Variants in VGF observed in about 807,000 individuals in gnomAD.
VGF encodes neurosecretory protein VGF.
A neutral mutation model predicts 41.1 loss-of-function variants in VGF; 13 were observed. The observed-to-expected ratio is 0.32, with a 90% CI of 0.21 to 0.50. The LOEUF (loss-of-function observed/expected upper bound fraction) is 0.50, where lower values mean the gene tolerates loss of function less well. Ranked by LOEUF, VGF falls within the 20% of genes least tolerant of loss-of-function variation. The pLI is 0.98. For missense variants in VGF, 920 were observed against 882.1 expected (o/e 1.04, Z -0.54); for synonymous variants, 473 against 418.3 (o/e 1.13, Z -1.60).
upstream of VGF, among the ~76,000 whole-genome samples, chr7:101,166,739 C>T (rs1797225307): frequency 1.8e-5 from 2 of 112,030 alleles, no homozygotes; most frequent in African/African-American, 6.9e-5. Context: ...CATCAGAGAG[C>T]TGGGTCCGGT....
chr7:101,168,009 GTTTTTTTTTGT>G (rs1797246452), upstream of VGF, among the ~76,000 whole-genome samples: 1 of 100,006 alleles, frequency 1.0e-5, no homozygotes, highest in South Asian at 4.3e-4. Flanking sequence ...GTGCTGGGTT[GTTTTTTTTTGT>G]TTTTTTTTTT....
Position 101,163,785 on chromosome 7 carries a change from C to T in VGF, c.1059G>A (p.Glu353=), listed in dbSNP as rs1363254947. ...TTGCACTCTCTCGCTCCTCCGCCGCCTCCTGCAGCCCCCGACCCCCGAGGC... is the reference window on the plus strand; with the variant it reads ...TTGCACTCTCTCGCTCCTCCGCCGCTTCCTGCAGCCCCCGACCCCCGAGGC... ...QRGLGGRGLQ[E]AAEERESARE... The change falls in exon 2 of 2, where the codon GAG becomes GAA. Residue 353 remains glutamate, a synonymous_variant. Coordinates refer to ENST00000249330, the MANE Select transcript of VGF (RefSeq NM_003378.4). The surrounding 1 kb of genome is among the most constrained non-coding windows in gnomAD (Gnocchi z 5.0). 6.5e-7 allele frequency: 1 copy of T among 1,532,212 alleles called. No homozygotes were observed. The allele number at this position is 1,532,212 out of a possible 1,614,324, so 94.9% of individuals were successfully genotyped here.
upstream of VGF, among the ~76,000 whole-genome samples, chr7:101,169,810 CGTT>C (rs1337557225): frequency 2.0e-5 from 3 of 152,222 alleles, no homozygotes; most frequent in Non-Finnish European, 4.4e-5. Context: ...ACACCAGGCA[CGTT>C]GTCCCGAATC....
At position 101,163,982 on chromosome 7, in the gene VGF, C is replaced by T. The variant is rs767837020; in HGVS notation, c.862G>A (p.Gly288Ser). The T allele has an allele frequency of 1.4e-6, 2 of 1,477,452 alleles. No homozygotes were observed. The highest frequency in any genetic ancestry group is 1.4e-5 in the South Asian group (1 of 72,302). The allele number at this position is 1,477,452 out of a possible 1,614,324, so 91.5% of individuals were successfully genotyped here. ...AGGCGCTCGCCCGCCTCGGAGCCGC[C>T]CAGGAGTGCGCTCTCCGGCCGGCGC... is the stretch of plus-strand genomic sequence containing the variant. ...KARRPESALLGGSEAGERLLQ... is the reference protein window; with the variant it reads ...KARRPESALLSGSEAGERLLQ... The change falls in exon 2 of 2, where the codon GGC (glycine) becomes AGC (serine). Residue 288 changes from glycine to serine, a missense_variant. By Grantham distance (56) the Gly-to-Ser change is moderately conservative (BLOSUM62 0). Coordinates refer to ENST00000249330, the MANE Select transcript of VGF (RefSeq NM_003378.4). The surrounding 1 kb of genome is among the most constrained non-coding windows in gnomAD (Gnocchi z 5.0).
In VGF at chr7:101,163,616, C is replaced by A. The variant is rs1261960322; in HGVS notation, c.1228G>T (p.Asp410Tyr). 6.5e-7 allele frequency: 1 copy of A among 1,550,338 alleles called. No homozygotes were observed. Among genetic ancestry groups the A allele is most frequent in the Non-Finnish European group, 8.7e-7 (1 of 1,150,150 alleles). ...TTGTCCTCGGCGCCGGCTTCCCCGT[C>A]CTCCTCCTCCGCGAACAGGAGCGCG... Reference protein sequence around the residue: ...QNALLFAEEEDGEAGAEDKRS... With the variant: ...QNALLFAEEEYGEAGAEDKRS... Residue 410 changes from aspartate (D) to tyrosine (Y), a missense_variant, in exon 2 of 2, where the codon GAC (aspartate) becomes TAC (tyrosine). Physicochemically the swap from Asp to Tyr is radical, Grantham distance 160. This residue lies in a region of VGF where 654 missense variants were observed against 638.4 expected (regional missense o/e 1.02). Transcript: ENST00000249330. The surrounding 1 kb of genome is among the most constrained non-coding windows in gnomAD (Gnocchi z 5.0).
At chr7:101,165,698 C>G, upstream of VGF, 4 of 978,670 alleles carry the variant, frequency 4.1e-6, no homozygotes, top group Non-Finnish European at 4.9e-6. Flanking sequence ...GAAGGACGCC[C>G]GACGATTGGA....
upstream of VGF, among the ~76,000 whole-genome samples, chr7:101,165,793 T>G (rs1368253262): frequency 6.6e-6 from 1 of 151,868 alleles, no homozygotes; most frequent in Non-Finnish European, 1.5e-5. Context: ...GGGAAATGAA[T>G]GAATGAATGA....
chr7:101,168,581 G>A (rs1008742146), upstream of VGF, among the ~76,000 whole-genome samples: 3 of 152,182 alleles, frequency 2.0e-5, no homozygotes, highest in Non-Finnish European at 4.4e-5. Flanking sequence ...AGCCCATATG[G>A]GGACCTAGTT....
chr7:101,166,442 C>T (rs1797219837), upstream of VGF, among the ~76,000 whole-genome samples: 1 of 151,996 alleles, frequency 6.6e-6, no homozygotes, highest in Admixed American at 6.6e-5. Context: ...AGTCGCTTTC[C>T]CTCCTGCCGC....
upstream of VGF, chr7:101,165,664 G>C (rs765376096): frequency 4.1e-6 from 4 of 985,394 alleles, no homozygotes; most frequent in Non-Finnish European, 4.8e-6. Flanking sequence ...CATTCATGGG[G>C]AAGCGGGCGG....
At chr7:101,167,778 G>T (rs1355122578), upstream of VGF, among the ~76,000 whole-genome samples, 10 of 152,090 alleles carry the variant, frequency 6.6e-5, no homozygotes, top group African/African-American at 2.4e-4. This position sits in a 1 kb window ranked among gnomAD's most constrained non-coding sequence, Gnocchi z 4.2. Flanking sequence ...CATGGCTTGT[G>T]CATGTGTGTT....
At position 101,164,202 on chromosome 7, in the gene VGF, C is replaced by T; in HGVS notation, c.642G>A (p.Gln214=). Residue 214 remains glutamine (Q), a synonymous_variant, in exon 2 of 2, where the codon CAG becomes CAA. Coordinates refer to ENST00000249330, the MANE Select transcript of VGF (RefSeq NM_003378.4). ...GGGGCGCGCGCTCCGGGACACGCGCCTGGAACTCTCCCCAGGAAGCGCGCC... is the reference window on the plus strand; with the variant it reads ...GGGGCGCGCGCTCCGGGACACGCGCTTGGAACTCTCCCCAGGAAGCGCGCC... ...RVWRASWGEF[Q]ARVPERAPLP... is the part of the protein sequence containing the mutation. The T allele has an allele frequency of 6.5e-7, 1 of 1,547,810 alleles. No individual in the cohort carries two copies. Among genetic ancestry groups the T allele is most frequent in the Non-Finnish European group, 8.7e-7 (1 of 1,150,634 alleles).
At position 101,165,526 on chromosome 7, in the gene VGF, C is replaced by A; in HGVS notation, c.-173G>T. 1 of 985,428 alleles carries A rather than the reference C, an allele frequency of 1.0e-6. No individual in the cohort carries two copies. Among genetic ancestry groups the A allele is most frequent in the Non-Finnish European group, 1.2e-6 (1 of 829,944 alleles). 61.0% of individuals were successfully genotyped at this position (985,428 alleles called of 1,614,324 possible). Reference sequence around the variant, plus strand: ...TCCCGTGGGCTGGGCTCAGCTGGGTCGGCGCGGCTCCGGGCGGCTAGCTCG... The same window carrying A: ...TCCCGTGGGCTGGGCTCAGCTGGGTAGGCGCGGCTCCGGGCGGCTAGCTCG... On this transcript the variant is annotated 5_prime_UTR_variant, in exon 1 of 2. Transcript: ENST00000249330.
In VGF at chr7:101,163,037, G is replaced by A. The variant is rs1311289763; in HGVS notation, c.1807C>T (p.Leu603=). ...EERRLQEQEE[L]ENYIEHVLLR... is the part of the protein sequence containing the mutation. ...AGCACGTGCTCGATGTAATTCTCCA[G>A]CTCCTCCTGCTCCTGCAGCCGGCGC... is the stretch of plus-strand genomic sequence containing the variant. Residue 603 remains leucine (L), a synonymous_variant, in exon 2 of 2, where the codon CTG becomes TTG. Coordinates refer to ENST00000249330, the MANE Select transcript of VGF (RefSeq NM_003378.4). The surrounding 1 kb of genome is among the most constrained non-coding windows in gnomAD (Gnocchi z 5.0). 4 of 1,566,534 alleles carry A rather than the reference G, an allele frequency of 2.6e-6. No homozygotes were observed.
At position 101,163,041 on chromosome 7, in the gene VGF, C is replaced by G. The variant is rs565534929; in HGVS notation, c.1803G>C (p.Glu601Asp). The change falls in exon 2 of 2, where the codon GAG becomes GAC. Residue 601 changes from glutamate to aspartate, a missense_variant. Physicochemically the swap from Glu to Asp is conservative, Grantham distance 45. This residue lies in a region of VGF where 257 missense variants were observed against 217.2 expected (regional missense o/e 1.18). Transcript: ENST00000249330. The surrounding 1 kb of genome is among the most constrained non-coding windows in gnomAD (Gnocchi z 5.0). ...CGTGCTCGATGTAATTCTCCAGCTC[C>G]TCCTGCTCCTGCAGCCGGCGCTCCT... ...EAEERRLQEQ[E>D]ELENYIEHVL... The G allele has an allele frequency of 1.1e-5, 18 of 1,569,760 alleles. No individual in the cohort carries two copies. The highest frequency in any genetic ancestry group is 1.5e-5 in the Non-Finnish European group (18 of 1,162,854).
At position 101,163,961 on chromosome 7, in the gene VGF, G is replaced by T. The variant is rs1797167373; in HGVS notation, c.883C>A (p.Arg295Ser). 4 of 1,457,666 alleles carry T rather than the reference G, an allele frequency of 2.7e-6. No homozygotes were observed. Among genetic ancestry groups the T allele is most frequent in the Non-Finnish European group, 2.7e-6 (3 of 1,119,482 alleles). The allele number at this position is 1,457,666 out of a possible 1,614,324, so 90.3% of individuals were successfully genotyped here. The change falls in exon 2 of 2, where the codon CGC (arginine) becomes AGC (serine). Residue 295 changes from arginine to serine, a missense_variant. Around this residue, in one of 3 missense-constraint regions of VGF, gnomAD observed 654 missense variants for 638.4 expected, o/e 1.02. Transcript: ENST00000249330. This position sits in a 1 kb window ranked among gnomAD's most constrained non-coding sequence, Gnocchi z 5.0. Reference sequence around the variant, plus strand: ...TGCGCCAGCCCTTGCTGGAGAAGGCGCTCGCCCGCCTCGGAGCCGCCCAGG... The same window carrying T: ...TGCGCCAGCCCTTGCTGGAGAAGGCTCTCGCCCGCCTCGGAGCCGCCCAGG... ...ALLGGSEAGERLLQQGLAQVE... is the reference protein window; with the variant it reads ...ALLGGSEAGESLLQQGLAQVE...
upstream of VGF, among the ~76,000 whole-genome samples, chr7:101,169,103 TGGGAA>T (rs981619154): frequency 4.0e-5 from 6 of 151,660 alleles, no homozygotes; most frequent in Admixed American, 3.9e-4. Context: ...TGATGAGTGA[TGGGAA>T]GGGGGTGCCC....
intron 1 of VGF, chr7:101,165,088 C>G (rs1158978399): frequency 8.1e-7 from 1 of 1,236,464 alleles, no homozygotes; most frequent in Non-Finnish European, 1.0e-6. Context: ...TACCCAGGGC[C>G]TCCTCGGCCC....
chr7:101,163,403 T>G lies in VGF; in HGVS notation c.1441A>C (p.Lys481Gln), dbSNP rs1319768353. ...TCGGGAGGGGCGTTCTTCTTCCGCT[T>G]CCGCTTCTCCTCCACCTCCTCGATG... is the stretch of plus-strand genomic sequence containing the variant. ...SIIEEVEEKR[K>Q]RKKNAPPEPV... The change falls in exon 2 of 2, where the codon AAG becomes CAG. Residue 481 changes from lysine (K) to glutamine (Q), a missense_variant. Physicochemically the swap from Lys to Gln is moderately conservative, Grantham distance 53 (BLOSUM62 1). Transcript: ENST00000249330. The surrounding 1 kb of genome is among the most constrained non-coding windows in gnomAD (Gnocchi z 5.0). The G allele has an allele frequency of 2.5e-6, 4 of 1,604,092 alleles. No individual in the cohort carries two copies. The highest frequency in any genetic ancestry group is 3.4e-6 in the Non-Finnish European group (4 of 1,179,186).
Sources: allele counts gnomAD v4.1 joint callset (sites outside exome capture counted in the v4.1 genomes callset), GRCh38; gene constraint gnomAD v4.1.1; regional missense constraint gnomAD v4.1.1; non-coding constraint Gnocchi (gnomAD v3.1); transcripts MANE v1.5; gene names NCBI Gene and HGNC (gene_info 2026-07-23, HGNC 2026-07-21).